The following TNFRSF21 variants were observed in gnomAD, a reference collection of about 807,000 sequenced individuals.
TNFRSF21 encodes the protein TNF receptor superfamily member 21.
TNFRSF21 carries 19 observed loss-of-function variants against 45.6 expected under a neutral mutation model. That is an observed-to-expected ratio of 0.42 (90% CI 0.29 to 0.61). The LOEUF (loss-of-function observed/expected upper bound fraction) is 0.61. Ranked by LOEUF, TNFRSF21 falls within the 20% of genes least tolerant of loss-of-function variation. The pLI is 0.23. For synonymous variants in TNFRSF21, 314 were observed against 335.5 expected, an observed-to-expected ratio of 0.94 and a Z score of 0.70; for missense variants, 737 against 851.5, an observed-to-expected ratio of 0.87 and a Z score of 1.67.
chr6:47,276,628 C>T (rs1388787359), intron 3 of TNFRSF21, among the ~76,000 whole-genome samples: 1 of 152,238 alleles, frequency 6.6e-6, no homozygotes, highest in Admixed American at 6.5e-5. Flanking sequence ...CCATAATTTA[C>T]ATGGTGTCTC....
At chr6:47,305,939 C>G (rs1420141487) in intron 1 of TNFRSF21, among the ~76,000 whole-genome samples, 1 of 152,198 alleles carries the variant, frequency 6.6e-6, no homozygotes, top group Non-Finnish European at 1.5e-5. Flanking sequence ...TTCCTTATCA[C>G]TGGCACAAAC....
intron 1 of TNFRSF21, among the ~76,000 whole-genome samples, chr6:47,301,942 C>G (rs938034699): frequency 4.6e-5 from 7 of 152,158 alleles, no homozygotes; most frequent in Non-Finnish European, 1.0e-4. Flanking sequence ...CTTGGAATCT[C>G]TTTCTTCCTT....
In TNFRSF21 at chr6:47,231,847, AGC is replaced by A. The variant is rs1764586881; in HGVS notation, c.*916_*917del. 6.5e-6 allele frequency: 1 copy of A among 152,688 alleles called. No individual in the cohort carries two copies. Among genetic ancestry groups the A allele is most frequent in the African/African-American group, 2.4e-5 (1 of 41,476 alleles). 9.5% of individuals were successfully genotyped at this position (152,688 alleles called of 1,614,324 possible). On this transcript the variant is annotated 3_prime_UTR_variant, in exon 6 of 6. Coordinates refer to ENST00000296861, the MANE Select transcript of TNFRSF21 (RefSeq NM_014452.5). ...ATATAAAAAACAAGACATCTTTTAA[AGC>A]AAAGCTGGGCAAATTCTCTATGGAA...
chr6:47,293,664 A>G (rs1762757566), intron 1 of TNFRSF21, among the ~76,000 whole-genome samples: 1 of 152,214 alleles, frequency 6.6e-6, no homozygotes, highest in African/African-American at 2.4e-5. Flanking sequence ...GAGTACTGAG[A>G]TATTGGCTTC....
intron 1 of TNFRSF21, 70 bp downstream of exon 1, chr6:47,309,346 G>A: frequency 4.1e-6 from 6 of 1,479,302 alleles, no homozygotes; most frequent in African/African-American, 1.5e-5. Context: ...CCGGTGACCC[G>A]CCCGGCTCCC....
At chr6:47,306,601 C>T (rs111720419) in intron 1 of TNFRSF21, among the ~76,000 whole-genome samples, 173 of 152,248 alleles carry the variant, frequency 1.1e-3, no homozygotes, top group African/African-American at 3.9e-3. Flanking sequence ...CAATTGCTCT[C>T]TCTATACATA....
At position 47,276,634 on chromosome 6, in the gene TNFRSF21, GTC is replaced by G. The variant is rs1227329706; in HGVS notation, c.1243+7302_1243+7303del. 5.3e-5 allele frequency among the ~76,000 whole-genome samples: 8 copies of G among 152,326 alleles called. No homozygotes were observed. In the South Asian group the frequency reaches 1.7e-3, roughly 32 times the overall value. ...CAGCCACACCCATAATTTACATGGT[GTC>G]TCTGGCCACTTTCACACTACTACAC... is the stretch of plus-strand genomic sequence containing the variant. On this transcript the variant is annotated intron_variant, in intron 3 of 5. Coordinates refer to ENST00000296861, the MANE Select transcript of TNFRSF21 (RefSeq NM_014452.5).
chr6:47,257,606 T>TGCTGCTG (rs1765006845), intron 3 of TNFRSF21, among the ~76,000 whole-genome samples: 1 of 152,134 alleles, frequency 6.6e-6, no homozygotes, highest in South Asian at 2.1e-4. Flanking sequence ...AGGAGGACGA[T>TGCTGCTG]TTGCCAAATT....
intron 3 of TNFRSF21, 64 bp downstream of exon 3, chr6:47,283,874 A>G: frequency 6.5e-7 from 1 of 1,549,938 alleles, no homozygotes; most frequent in Non-Finnish European, 8.7e-7. Flanking sequence ...TCCTTCAGAA[A>G]ACAGGGACTA....
chr6:47,270,129 G>A (rs1189694952), intron 3 of TNFRSF21, among the ~76,000 whole-genome samples: 1 of 152,158 alleles, frequency 6.6e-6, no homozygotes, highest in African/African-American at 2.4e-5. Flanking sequence ...GCTCTAAAGA[G>A]AGCAGTGGTT....
intron 4 of TNFRSF21, among the ~76,000 whole-genome samples, chr6:47,250,573 C>T (rs1171927709): frequency 6.6e-6 from 1 of 152,190 alleles, no homozygotes; most frequent in East Asian, 1.9e-4. Context: ...ATAACATAGG[C>T]ACTTTCAGGC....
intron 3 of TNFRSF21, among the ~76,000 whole-genome samples, chr6:47,281,905 T>G (rs1432692765): frequency 6.6e-6 from 1 of 152,072 alleles, no homozygotes; most frequent in East Asian, 1.9e-4. Flanking sequence ...ATAGTTGTCT[T>G]ATTCAAGTTT....
chr6:47,271,974 A>C (rs759925514), intron 3 of TNFRSF21, among the ~76,000 whole-genome samples: 26 of 152,230 alleles, frequency 1.7e-4, no homozygotes, highest in Non-Finnish European at 1.6e-4. Flanking sequence ...AACTATCCTT[A>C]ATATATATGC....
intron 3 of TNFRSF21, among the ~76,000 whole-genome samples, chr6:47,263,204 C>A (rs1762251598): frequency 6.6e-6 from 1 of 152,084 alleles, no homozygotes; most frequent in Admixed American, 6.5e-5. Context: ...TCATCCTGAG[C>A]AAGTGGAAGA....
chr6:47,288,899 A>G (rs939392059), intron 1 of TNFRSF21, among the ~76,000 whole-genome samples: 1 of 152,230 alleles, frequency 6.6e-6, no homozygotes, highest in South Asian at 2.1e-4. Flanking sequence ...CAGCCTTTGA[A>G]GACCATAGCT....
intron 3 of TNFRSF21, among the ~76,000 whole-genome samples, chr6:47,264,110 T>C (rs77882840): frequency 0.023 from 3,472 of 151,954 alleles, 159 homozygotes; most frequent in African/African-American, 0.08. Context: ...CATTTTTAGA[T>C]TTTTTTTTCC....
chr6:47,265,157 C>T (rs1561943677), intron 3 of TNFRSF21, among the ~76,000 whole-genome samples: 1 of 152,200 alleles, frequency 6.6e-6, no homozygotes, highest in Non-Finnish European at 1.5e-5. Flanking sequence ...TTACTTGAAA[C>T]AGCCTCTATT....
At position 47,285,995 on chromosome 6, in the gene TNFRSF21, G is replaced by A. The variant is rs1305223049; in HGVS notation, c.697C>T (p.Pro233Ser). The change falls in exon 2 of 6, where the codon CCT becomes TCT. Residue 233 changes from proline (P) to serine (S), a missense_variant. Coordinates refer to ENST00000296861, the MANE Select transcript of TNFRSF21 (RefSeq NM_014452.5). ...PSPGTAIFPR[P>S]EHMETHEVPS... Reference sequence around the variant, plus strand: ...ACTTCATGGGTTTCCATGTGCTCAGGGCGTGGAAAGATGGCTGTGCCAGGG... The same window carrying A: ...ACTTCATGGGTTTCCATGTGCTCAGAGCGTGGAAAGATGGCTGTGCCAGGG... The A allele has an allele frequency of 6.2e-7, 1 of 1,614,206 alleles. No individual in the cohort carries two copies. The highest frequency in any genetic ancestry group is 1.1e-5 in the South Asian group (1 of 91,088).
At chr6:47,274,515 G>A (rs1762468688) in intron 3 of TNFRSF21, among the ~76,000 whole-genome samples, 1 of 152,142 alleles carries the variant, frequency 6.6e-6, no homozygotes, top group Admixed American at 6.5e-5. Flanking sequence ...TTTAATGTTA[G>A]ACCTAAAACC....
Sources: allele counts gnomAD v4.1 joint callset (sites outside exome capture counted in the v4.1 genomes callset), GRCh38; gene constraint gnomAD v4.1.1; transcripts MANE v1.5; gene names NCBI Gene and HGNC (gene_info 2026-07-23, HGNC 2026-07-21).